Variants in KLHL32 observed in about 807,000 individuals in gnomAD.
KLHL32 encodes the protein kelch like family member 32, also known as kelch-like protein 32.
Under a neutral mutation model 64.8 loss-of-function variants are expected in KLHL32, and 35 were observed. That is an observed-to-expected ratio of 0.54 (90% confidence interval 0.41 to 0.72). The LOEUF is 0.72. Among genes scored for constraint, KLHL32 ranks in the 30% least tolerant of loss-of-function variants. The pLI, the probability that KLHL32 is intolerant of heterozygous loss-of-function variation, is 0.00. For missense variants in KLHL32, 589 were observed against 768.5 expected (o/e 0.77, Z 2.76); for synonymous variants, 259 against 281.0 (o/e 0.92, Z 0.78).
intron 5 of KLHL32, among the ~76,000 whole-genome samples, chr6:97,071,214 C>T (rs1230866012): frequency 1.3e-5 from 2 of 152,128 alleles, no homozygotes; most frequent in South Asian, 2.1e-4. Context: ...CAGTGTTCTG[C>T]CTTCATTACT....
intron 3 of KLHL32, among the ~76,000 whole-genome samples, chr6:97,003,739 G>A (rs9320376): frequency 0.042 from 6,443 of 152,240 alleles, 214 homozygotes; most frequent in Non-Finnish European, 0.064. Flanking sequence ...ACCATTGATT[G>A]AATAGGGAGT....
rs907485632 is a variant in KLHL32 at position 97,136,417 on chromosome 6, C to T, written c.1702-2704C>T. On this transcript the variant is annotated intron_variant, in intron 10 of 10. Transcript: ENST00000369261. Reference sequence around the variant, plus strand: ...CCCAAACAAGAGAAAAGCAGAGATACTCTTAGGTTGAGATTTGGACTTGTT... The same window carrying T: ...CCCAAACAAGAGAAAAGCAGAGATATTCTTAGGTTGAGATTTGGACTTGTT... 4.6e-5 allele frequency among the ~76,000 whole-genome samples: 7 copies of T among 152,200 alleles called. 1 individual carries two copies. Among genetic ancestry groups the T allele is most frequent in the African/African-American group, 1.7e-4 (7 of 41,462 alleles).
chr6:97,026,371 C>CAA (rs879741013), intron 3 of KLHL32, among the ~76,000 whole-genome samples: 1 of 138,988 alleles, frequency 7.2e-6, no homozygotes, highest in Non-Finnish European at 1.6e-5. Flanking sequence ...GACCCTGTCT[C>CAA]AAAAAAAAAA....
At chr6:97,050,836 C>G (rs1245047974) in intron 4 of KLHL32, among the ~76,000 whole-genome samples, 1 of 152,026 alleles carries the variant, frequency 6.6e-6, no homozygotes, top group Non-Finnish European at 1.5e-5. Flanking sequence ...AACCCCATCT[C>G]TACTAAAAAT....
At chr6:96,931,554 A>G (rs1210781182) in intron 1 of KLHL32, among the ~76,000 whole-genome samples, 3 of 152,210 alleles carry the variant, frequency 2.0e-5, no homozygotes, top group Non-Finnish European at 4.4e-5. Flanking sequence ...TATACCTGGT[A>G]TGGATGTATG....
chr6:97,013,764 C>T (rs1362463784), intron 3 of KLHL32, among the ~76,000 whole-genome samples: 1 of 152,150 alleles, frequency 6.6e-6, no homozygotes, highest in South Asian at 2.1e-4. Flanking sequence ...TGATTATCAC[C>T]TACTAAGGCA....
intron 3 of KLHL32, among the ~76,000 whole-genome samples, chr6:97,035,286 G>A (rs1429869635): frequency 1.3e-5 from 2 of 152,002 alleles, no homozygotes; most frequent in Non-Finnish European, 1.5e-5. Flanking sequence ...TGTAGTCAGA[G>A]TTTAATTCTT....
Position 96,946,740 on chromosome 6 carries a change from T to G in KLHL32, c.-65-20256T>G, listed in dbSNP as rs553497901. Among the ~76,000 whole-genome samples the G allele has an allele frequency of 6.6e-5, 10 of 152,308 alleles. No individual in the cohort carries two copies. The South Asian group carries it at 2.1e-3, about 32-fold the overall frequency. The stretch of plus-strand genomic sequence containing the variant: ...AATCCTGCTCCAACTAGACCTAAGG[T>G]AGATCCTAATGAGATAACAGCTCTT... On this transcript the variant is annotated intron_variant, in intron 1 of 10. Coordinates refer to ENST00000369261, the MANE Select transcript of KLHL32 (RefSeq NM_052904.4).
chr6:97,084,197 A>T (rs1250929900), intron 5 of KLHL32, among the ~76,000 whole-genome samples: 1 of 152,236 alleles, frequency 6.6e-6, no homozygotes, highest in Non-Finnish European at 1.5e-5. Flanking sequence ...TTATTGGAAA[A>T]CTATTGCTCA....
At chr6:97,019,076 A>G (rs1379399291) in intron 3 of KLHL32, among the ~76,000 whole-genome samples, 1 of 152,222 alleles carries the variant, frequency 6.6e-6, no homozygotes, top group East Asian at 1.9e-4. Context: ...GAAATCTGTA[A>G]CAAAATTGAT....
chr6:97,017,212 G>A (rs952398373), intron 3 of KLHL32, among the ~76,000 whole-genome samples: 2 of 152,256 alleles, frequency 1.3e-5, no homozygotes, highest in African/African-American at 4.8e-5. Flanking sequence ...ACATCTGGAT[G>A]AGTTATCCCA....
At chr6:96,945,429 G>A (rs780381401) in intron 1 of KLHL32, among the ~76,000 whole-genome samples, 1 of 152,220 alleles carries the variant, frequency 6.6e-6, no homozygotes, top group South Asian at 2.1e-4. Context: ...CTTGTGGAGA[G>A]AATAAAGGTG....
chr6:97,078,829 T>C (rs921525519), intron 5 of KLHL32, among the ~76,000 whole-genome samples: 1 of 152,214 alleles, frequency 6.6e-6, no homozygotes, highest in African/African-American at 2.4e-5. Context: ...ACAGATATCA[T>C]ATAATTATGC....
rs117894429 is a variant in KLHL32 at position 97,029,396 on chromosome 6, A to G, written c.205-12096A>G. 7.9e-5 allele frequency among the ~76,000 whole-genome samples: 12 copies of G among 152,342 alleles called. No individual in the cohort carries two copies. In the East Asian group the frequency reaches 2.3e-3, roughly 29 times the overall value. ...TGTAACATAATTTTTAGCATATAAG[A>G]TGGATCTTTATGTGGTTAAGGTGAG... On this transcript the variant is annotated intron_variant, in intron 3 of 10. Coordinates refer to ENST00000369261, the MANE Select transcript of KLHL32 (RefSeq NM_052904.4).
intron 4 of KLHL32, among the ~76,000 whole-genome samples, chr6:97,054,213 AAAT>A (rs1212051505): frequency 1.3e-5 from 2 of 152,216 alleles, no homozygotes; most frequent in Non-Finnish European, 2.9e-5. Flanking sequence ...CATTTGAGTA[AAAT>A]AATGATGAGA....
intron 1 of KLHL32, among the ~76,000 whole-genome samples, chr6:96,934,197 CAGAA>C (rs752975841): frequency 6.6e-6 from 1 of 152,188 alleles, no homozygotes; most frequent in Non-Finnish European, 1.5e-5. Context: ...GGCTGGTCCT[CAGAA>C]TGACCTGAGG....
At chr6:97,036,680 G>A (rs1340637155) in intron 3 of KLHL32, among the ~76,000 whole-genome samples, 2 of 152,240 alleles carry the variant, frequency 1.3e-5, no homozygotes, top group Non-Finnish European at 2.9e-5. Flanking sequence ...TGGGGATTGT[G>A]TGACACTGTC....
chr6:96,934,775 A>G (rs1298631862), intron 1 of KLHL32, among the ~76,000 whole-genome samples: 2 of 152,252 alleles, frequency 1.3e-5, no homozygotes, highest in Non-Finnish European at 2.9e-5. Context: ...TTTTAGATTT[A>G]GAGCATTGAT....
chr6:96,931,812 G>A (rs1769922574), intron 1 of KLHL32, among the ~76,000 whole-genome samples: 1 of 152,106 alleles, frequency 6.6e-6, no homozygotes, highest in Non-Finnish European at 1.5e-5. Context: ...TGGTAGCCGA[G>A]ATGACATCAG....
Sources: gnomAD v4.1 joint callset for allele counts (sites outside exome capture counted in the v4.1 genomes callset) on GRCh38, gnomAD v4.1.1 for gene constraint, MANE v1.5 for transcripts, NCBI Gene and HGNC (gene_info 2026-07-23, HGNC 2026-07-21) for gene names.